LINGO2: variants seen among roughly 807,000 people sequenced by gnomAD.
LINGO2 encodes leucine-rich repeat and immunoglobulin-like domain-containing nogo receptor-interacting protein 2.
In LINGO2, 14 loss-of-function variants were observed where a neutral mutation model predicts 30.6. The observed-to-expected ratio is 0.46, with a 90% CI of 0.30 to 0.72. The LOEUF (loss-of-function observed/expected upper bound fraction) is 0.72. Ranked by LOEUF, LINGO2 falls within the 30% of genes least tolerant of loss-of-function variation. LINGO2 has a pLI of 0.07. For missense variants in LINGO2, 729 were observed against 751.7 expected (o/e 0.97, Z 0.35); for synonymous variants, 317 against 288.5 (o/e 1.10, Z -1.00).
At chr9:27,976,531 G>C (rs10757705) in intron 5 of LINGO2, among the ~76,000 whole-genome samples, 67,599 of 151,730 alleles carry the variant, frequency 0.45, 16,112 homozygotes, top group African/African-American at 0.62. Context: ...GTGTATCATA[G>C]CATTTACTCC....
the LINGO2 span, among the ~76,000 whole-genome samples, chr9:28,764,091 A>G: frequency 1.3e-5 from 2 of 151,818 alleles, no homozygotes; most frequent in South Asian, 4.1e-4. Context: ...AATTCTACCA[A>G]AAATCGGAAG....
At chr9:28,979,306 T>C in the LINGO2 span, among the ~76,000 whole-genome samples, 6 of 152,086 alleles carry the variant, frequency 3.9e-5, no homozygotes, top group Admixed American at 1.3e-4. Context: ...CAGGAAGATG[T>C]CCACCCATGG....
chr9:28,294,830 T>C (rs149208779), intron 4 of LINGO2, among the ~76,000 whole-genome samples: 253 of 152,314 alleles, frequency 1.7e-3, no homozygotes, highest in Non-Finnish European at 2.9e-3. Context: ...TGAACTGATA[T>C]TCACTTCTAT....
intron 1 of LINGO2, among the ~76,000 whole-genome samples, chr9:28,634,583 TCAAG>T (rs1167707873): frequency 6.6e-6 from 1 of 151,358 alleles, no homozygotes; most frequent in East Asian, 2.0e-4. Context: ...CCTTCCGAGT[TCAAG>T]CAATTCTCGT....
chr9:28,466,901 A>C (rs567829981), intron 2 of LINGO2, among the ~76,000 whole-genome samples: 89 of 152,184 alleles, frequency 5.8e-4, no homozygotes, highest in Non-Finnish European at 1.1e-3. Context: ...ATGGTGTTAC[A>C]AACTGGTTAA....
At chr9:28,860,891 G>T in the LINGO2 span, among the ~76,000 whole-genome samples, 1 of 143,564 alleles carries the variant, frequency 7.0e-6, no homozygotes, top group Admixed American at 7.4e-5. Flanking sequence ...TCATAGCATT[G>T]AAGTTAAATA....
At chr9:28,346,859 C>T (rs1819597989) in intron 3 of LINGO2, among the ~76,000 whole-genome samples, 1 of 151,566 alleles carries the variant, frequency 6.6e-6, no homozygotes, top group Admixed American at 6.6e-5. Flanking sequence ...TGTTTATGTC[C>T]TTTGTATACT....
intron 4 of LINGO2, among the ~76,000 whole-genome samples, chr9:28,283,239 C>T (rs967796933): frequency 3.9e-5 from 6 of 152,102 alleles, no homozygotes; most frequent in East Asian, 1.9e-4. Context: ...TATACATTTA[C>T]GTACAAAATT....
the LINGO2 span, among the ~76,000 whole-genome samples, chr9:28,824,940 ATCT>A: frequency 6.6e-6 from 1 of 152,116 alleles, no homozygotes; most frequent in Admixed American, 6.6e-5. Flanking sequence ...AGAAAATAAA[ATCT>A]TCTTAATGAC....
the LINGO2 span, among the ~76,000 whole-genome samples, chr9:28,949,329 G>A: frequency 6.6e-6 from 1 of 152,004 alleles, no homozygotes; most frequent in African/African-American, 2.4e-5. Flanking sequence ...CTGGGTTTTT[G>A]AAAAGATTAA....
At chr9:27,983,702 A>C (rs926490571) in intron 5 of LINGO2, among the ~76,000 whole-genome samples, 1 of 151,898 alleles carries the variant, frequency 6.6e-6, no homozygotes, top group Non-Finnish European at 1.5e-5. Context: ...GTGGCACAGA[A>C]AAAGGTGAGA....
At chr9:28,534,316 C>T (rs999092952) in intron 1 of LINGO2, among the ~76,000 whole-genome samples, 8 of 152,146 alleles carry the variant, frequency 5.3e-5, no homozygotes, top group African/African-American at 1.7e-4. Context: ...GCCATCACTT[C>T]TGGCTTCATT....
intron 5 of LINGO2, among the ~76,000 whole-genome samples, chr9:28,001,269 G>A (rs1163782570): frequency 1.3e-5 from 2 of 152,158 alleles, no homozygotes; most frequent in African/African-American, 2.4e-5. Flanking sequence ...TCTTCCACAT[G>A]CCACAGAAGC....
intron 4 of LINGO2, among the ~76,000 whole-genome samples, chr9:28,089,238 C>G (rs1409111867): frequency 6.6e-6 from 1 of 152,140 alleles, no homozygotes; most frequent in African/African-American, 2.4e-5. Flanking sequence ...ACAGAACTCT[C>G]CACCCCAAAT....
At chr9:28,883,618 A>ATATG in the LINGO2 span, among the ~76,000 whole-genome samples, 1 of 36,278 alleles carries the variant, frequency 2.8e-5, no homozygotes, top group East Asian at 6.8e-4. Flanking sequence ...TATATAAAAT[A>ATATG]TGTGTGTGTG....
At chr9:28,179,416 A>G (rs959854402) in intron 4 of LINGO2, among the ~76,000 whole-genome samples, 6 of 130,458 alleles carry the variant, frequency 4.6e-5, no homozygotes, top group East Asian at 2.2e-4. Context: ...ATAGTATACT[A>G]TATGTATGTA....
the LINGO2 span, among the ~76,000 whole-genome samples, chr9:29,017,941 C>T: frequency 6.6e-6 from 1 of 151,752 alleles, no homozygotes; most frequent in South Asian, 2.1e-4. Flanking sequence ...AGTAAGATTG[C>T]TCTACTCTCT....
In LINGO2 at chr9:28,148,122, C is replaced by T. The variant is rs1244690366; in HGVS notation, c.-86-135717G>A. 1.0e-5 allele frequency: 11 copies of T among 1,101,580 alleles called. No homozygotes were observed. Among genetic ancestry groups the T allele is most frequent in the African/African-American group, 1.6e-5 (1 of 61,832 alleles). 68.2% of individuals were successfully genotyped at this position (1,101,580 alleles called of 1,614,324 possible). On this transcript the variant is annotated intron_variant, in intron 4 of 5. Transcript: ENST00000379992. The surrounding 1 kb of genome is among the most constrained non-coding windows in gnomAD (Gnocchi z 5.1). ...CCCGCGGCTCCTGCACCTGTGCCTGCCCGGGGAATCGTGGGCCGTTTCCCA... is the reference window on the plus strand; with the variant it reads ...CCCGCGGCTCCTGCACCTGTGCCTGTCCGGGGAATCGTGGGCCGTTTCCCA...
At chr9:29,002,640 G>A in the LINGO2 span, among the ~76,000 whole-genome samples, 1 of 151,978 alleles carries the variant, frequency 6.6e-6, no homozygotes, top group Non-Finnish European at 1.5e-5. Flanking sequence ...ACCAGAGTGG[G>A]AGTCTCTCTT....
Sources: gnomAD v4.1 joint callset for allele counts (sites outside exome capture counted in the v4.1 genomes callset) on GRCh38, gnomAD v4.1.1 for gene constraint, Gnocchi (gnomAD v3.1) non-coding constraint, MANE v1.5 for transcripts, NCBI Gene and HGNC (gene_info 2026-07-23, HGNC 2026-07-21) for gene names.